Variants in DAW1 observed in about 807,000 individuals in gnomAD.
DAW1 encodes the protein dynein assembly factor with WD repeat domains 1.
DAW1 carries 47 observed loss-of-function variants against 56.5 expected under a neutral mutation model. The ratio of observed to expected loss-of-function variants is 0.83; its 90% CI spans 0.66 to 1.06. The LOEUF is 1.06. Among genes scored for constraint, DAW1 ranks in the 50% least tolerant of loss-of-function variants. DAW1 has a pLI of 0.00. For missense variants in DAW1, 505 were observed against 499.3 expected, an observed-to-expected ratio of 1.01 and a Z score of -0.11; for synonymous variants, 190 against 179.0, an observed-to-expected ratio of 1.06 and a Z score of -0.49.
chr2:227,892,794 G>A (rs1691297231), intron 4 of DAW1, among the ~76,000 whole-genome samples: 1 of 151,964 alleles, frequency 6.6e-6, no homozygotes, highest in Non-Finnish European at 1.5e-5. Context: ...TCTGTGCTGG[G>A]GAAATATATT....
chr2:227,871,761 G>A (rs755895901), intron 1 of DAW1, 32 bp downstream of exon 1: 16 of 1,612,930 alleles, frequency 9.9e-6, no homozygotes, highest in Admixed American at 1.7e-5. Context: ...TCATCCCCAC[G>A]TGGGACCCTG....
At chr2:227,899,965 A>G (rs1463797978) in intron 6 of DAW1, among the ~76,000 whole-genome samples, 1 of 152,218 alleles carries the variant, frequency 6.6e-6, no homozygotes, top group Admixed American at 6.5e-5. Flanking sequence ...AGTAAAATTT[A>G]TTTACACTCA....
chr2:227,889,131 T>C (rs984215247), intron 2 of DAW1, among the ~76,000 whole-genome samples: 3 of 152,168 alleles, frequency 2.0e-5, no homozygotes, highest in African/African-American at 7.2e-5. Context: ...GAACATTCAA[T>C]ACATGTTCAT....
rs567545667 is a variant in DAW1, at chr2:227,924,303, C to T, written c.*335C>T. 2 of 295,598 alleles carry T rather than the reference C, an allele frequency of 6.8e-6. No individual in the cohort carries two copies. Among genetic ancestry groups the T allele is most frequent in the African/African-American group, 2.1e-5 (1 of 47,016 alleles). 18.3% of individuals were successfully genotyped at this position (295,598 alleles called of 1,614,324 possible). Reference sequence around the variant, plus strand: ...GTGTCTCCTGGATTTTACTTTGAAGCCTATTGTTATAATTTCTGTTGAATA... The same window carrying T: ...GTGTCTCCTGGATTTTACTTTGAAGTCTATTGTTATAATTTCTGTTGAATA... On this transcript the variant is annotated 3_prime_UTR_variant, in exon 13 of 13. Coordinates refer to ENST00000309931, the MANE Select transcript of DAW1 (RefSeq NM_178821.3).
intron 8 of DAW1, among the ~76,000 whole-genome samples, chr2:227,905,488 T>A (rs1419180430): frequency 1.3e-5 from 2 of 152,238 alleles, no homozygotes; most frequent in Non-Finnish European, 2.9e-5. Context: ...AAAACTCTAC[T>A]CTTGGATTTG....
chr2:227,919,406 C>T (rs1346285213), intron 11 of DAW1, among the ~76,000 whole-genome samples: 1 of 152,030 alleles, frequency 6.6e-6, no homozygotes, highest in Non-Finnish European at 1.5e-5. Context: ...CATTCGCCTC[C>T]ACTGTCAGCA....
intron 10 of DAW1, among the ~76,000 whole-genome samples, chr2:227,916,049 T>C (rs1691946631): frequency 6.6e-6 from 1 of 152,156 alleles, no homozygotes; most frequent in African/African-American, 2.4e-5. Context: ...TCTGTGGCAT[T>C]TAAATCTTTG....
chr2:227,922,641 C>T (rs10194973), intron 12 of DAW1, among the ~76,000 whole-genome samples: 310 of 152,202 alleles, frequency 2.0e-3, no homozygotes, highest in African/African-American at 7.0e-3. Flanking sequence ...TAGGTGGTTT[C>T]CTTGTCAGAT....
Position 227,905,006 on chromosome 2 carries a change from C to A in DAW1, c.726C>A (p.Thr242=), listed in dbSNP as rs751459566. The change falls in exon 8 of 13, where the codon ACC becomes ACA. Residue 242 remains threonine (T), a synonymous_variant. Coordinates refer to ENST00000309931, the MANE Select transcript of DAW1 (RefSeq NM_178821.3). ...TCATCACGGGGTCTTTTGATCATAC[C>A]GTTGTAGTGTGGGACGCTGATACTG... ...DRIITGSFDH[T]VVVWDADTGR... is the part of the protein sequence containing the mutation. 6.2e-7 allele frequency: 1 copy of A among 1,613,366 alleles called. No individual in the cohort carries two copies. Among genetic ancestry groups the A allele is most frequent in the Non-Finnish European group, 8.5e-7 (1 of 1,179,594 alleles).
chr2:227,889,714 G>T, intron 2 of DAW1, 142 bp from the exon 3 acceptor site: 1 of 626,792 alleles, frequency 1.6e-6, no homozygotes, highest in East Asian at 3.4e-5. Flanking sequence ...CCCACCCCCA[G>T]ATATCTCTTG....
At chr2:227,875,428 T>C (rs1397111600) in intron 1 of DAW1, among the ~76,000 whole-genome samples, 1 of 152,186 alleles carries the variant, frequency 6.6e-6, no homozygotes, top group African/African-American at 2.4e-5. Flanking sequence ...CCCAAGGCCC[T>C]GCAAAATCTC....
intron 6 of DAW1, among the ~76,000 whole-genome samples, chr2:227,898,571 C>T (rs992836545): frequency 1.3e-5 from 2 of 152,242 alleles, no homozygotes; most frequent in South Asian, 2.1e-4. Flanking sequence ...CCACCCGCCT[C>T]GGCCTCCCAA....
chr2:227,923,877 G>A (rs1692164400), intron 12 of DAW1, 57 bp from the exon 13 acceptor site: 2 of 1,597,750 alleles, frequency 1.3e-6, no homozygotes, highest in African/African-American at 1.3e-5. Flanking sequence ...TGTAGAAAGA[G>A]AGAATGAGGT....
intron 3 of DAW1, among the ~76,000 whole-genome samples, chr2:227,890,256 T>C (rs1334533710): frequency 6.6e-6 from 1 of 151,976 alleles, no homozygotes; most frequent in Non-Finnish European, 1.5e-5. Flanking sequence ...AGGGTTATTA[T>C]TATTAAGATA....
rs769993399 is a variant in DAW1, at chr2:227,871,724, C to G, written c.35C>G (p.Pro12Arg). 6.2e-7 allele frequency: 1 copy of G among 1,613,828 alleles called. No homozygotes were observed. The highest frequency in any genetic ancestry group is 8.5e-7 in the Non-Finnish European group (1 of 1,179,930). Residue 12 changes from proline to arginine, a missense_variant, in exon 1 of 13, where the codon CCG (proline) becomes CGG (arginine). Pro to Arg is a moderately radical substitution (Grantham distance 103). Transcript: ENST00000309931. ...AAGAGCCTCCTGCTCCGGTATTACC[C>G]GCCAGGTACGCACCAGCCCGGCCCC... ...KLKSLLLRYY[P>R]PGIMLEYEKH...
chr2:227,876,910 T>C (rs1690897376), intron 1 of DAW1, among the ~76,000 whole-genome samples: 2 of 152,230 alleles, frequency 1.3e-5, no homozygotes, highest in Non-Finnish European at 2.9e-5. Context: ...GGAGAAGGAA[T>C]TAAGTCAACA....
intron 2 of DAW1, 100 bp downstream of exon 2, chr2:227,885,523 G>T (rs4973445): frequency 0.54 from 441,723 of 822,490 alleles, 120,427 homozygotes; most frequent in Admixed American, 0.65. Flanking sequence ...AATACATTAT[G>T]TTTTAAAAAT....
intron 5 of DAW1, among the ~76,000 whole-genome samples, chr2:227,895,169 A>G (rs1691377552): frequency 6.6e-6 from 1 of 152,224 alleles, no homozygotes; most frequent in African/African-American, 2.4e-5. Context: ...TTCCACTTGC[A>G]AGAAAAGAAA....
intron 10 of DAW1, among the ~76,000 whole-genome samples, chr2:227,918,036 A>G (rs981283276): frequency 6.6e-6 from 1 of 152,118 alleles, no homozygotes; most frequent in Non-Finnish European, 1.5e-5. Context: ...TTTACTACTC[A>G]TGTTTTTCAC....
Sources: gnomAD v4.1 joint callset for allele counts (sites outside exome capture counted in the v4.1 genomes callset) on GRCh38, gnomAD v4.1.1 for gene constraint, MANE v1.5 for transcripts, NCBI Gene and HGNC (gene_info 2026-07-23, HGNC 2026-07-21) for gene names.